The following CATSPERD variants were observed in gnomAD, a reference collection of about 807,000 sequenced individuals.
The protein encoded by CATSPERD is cation channel sperm-associated auxiliary subunit delta.
In CATSPERD, 86 loss-of-function variants were observed where a neutral mutation model predicts 98.1. The observed-to-expected ratio is 0.88, with a 90% CI of 0.74 to 1.05. The LOEUF (loss-of-function observed/expected upper bound fraction) is 1.05. CATSPERD is among the 50% of genes least tolerant of loss of function. CATSPERD has a pLI of 0.00. For missense variants in CATSPERD, 995 were observed against 1,005.7 expected (o/e 0.99, Z 0.14); for synonymous variants, 394 against 390.2 (o/e 1.01, Z -0.12).
intron 17 of CATSPERD, among the ~76,000 whole-genome samples, chr19:5,767,671 T>TA (rs1282149644): frequency 2.0e-5 from 3 of 151,636 alleles, no homozygotes; most frequent in Non-Finnish European, 1.5e-5. Context: ...GTATTTTTAG[T>TA]AGAGACGGGG....
intron 13 of CATSPERD, among the ~76,000 whole-genome samples, chr19:5,755,713 C>T (rs187275480): frequency 1.3e-5 from 2 of 151,840 alleles, no homozygotes; most frequent in South Asian, 2.1e-4. Flanking sequence ...GCGGAGGTTG[C>T]GGTGAGCCAA....
intron 9 of CATSPERD, among the ~76,000 whole-genome samples, chr19:5,747,340 T>C (rs559765326): frequency 2.2e-4 from 33 of 149,658 alleles, no homozygotes; most frequent in Non-Finnish European, 3.4e-4. Context: ...CATAACTAAC[T>C]TATTTTTTGT....
intron 16 of CATSPERD, among the ~76,000 whole-genome samples, chr19:5,763,687 G>GT (rs1385877780): frequency 3.3e-5 from 5 of 152,040 alleles, no homozygotes; most frequent in Admixed American, 2.6e-4. Flanking sequence ...CAGTCACCAT[G>GT]TTGGCCAGGC....
rs1296811153 is a variant in CATSPERD at position 5,740,326 on chromosome 19, G to A, written c.573+887G>A. ...AAATAAGCTGGGCGCAGTGGCTCAC[G>A]CCTGTAATTCCAGCAATTTGGGAGG... is the stretch of plus-strand genomic sequence containing the variant. On this transcript the variant is annotated intron_variant, in intron 7 of 21. Coordinates refer to ENST00000381624, the MANE Select transcript of CATSPERD (RefSeq NM_152784.4). Among the ~76,000 whole-genome samples, 9 of 150,366 alleles carry A rather than the reference G, an allele frequency of 6.0e-5. No homozygotes were observed. In the South Asian group the frequency reaches 6.3e-4, roughly 11 times the overall value.
At chr19:5,742,455 C>A (rs975832308) in intron 7 of CATSPERD, among the ~76,000 whole-genome samples, 2 of 152,064 alleles carry the variant, frequency 1.3e-5, no homozygotes, top group African/African-American at 4.8e-5. Flanking sequence ...CTGCTACAGC[C>A]AGGACAAGAG....
Position 5,733,972 on chromosome 19 carries a change from T to A in CATSPERD, c.391+2T>A. The A allele has an allele frequency of 6.4e-7, 1 of 1,554,296 alleles. No homozygotes were observed. The highest frequency in any genetic ancestry group is 1.1e-5 in the South Asian group (1 of 87,170). On this transcript the variant is annotated splice_donor_variant, in intron 5 of 21. Transcript: ENST00000381624. LOFTEE classifies it high-confidence loss of function. ...ATAATTCTTGGAGCATGTCTTTAGG[T>A]ATGTACATTTTGTATTTTTAAATTT...
At chr19:5,743,432 T>C (rs1390710508) in intron 7 of CATSPERD, among the ~76,000 whole-genome samples, 1 of 151,790 alleles carries the variant, frequency 6.6e-6, no homozygotes, top group Non-Finnish European at 1.5e-5. Flanking sequence ...ACCCCGTTTC[T>C]ACTAAAAAAA....
chr19:5,760,695 T>C (rs1180036943), intron 15 of CATSPERD, among the ~76,000 whole-genome samples: 4 of 152,052 alleles, frequency 2.6e-5, no homozygotes, highest in Non-Finnish European at 4.4e-5. Flanking sequence ...TCTGTGAATG[T>C]AGTTAATATT....
At chr19:5,751,020 C>A (rs993621559) in intron 11 of CATSPERD, among the ~76,000 whole-genome samples, 2 of 150,472 alleles carry the variant, frequency 1.3e-5, no homozygotes, top group African/African-American at 4.9e-5. Flanking sequence ...TCAAGACCAG[C>A]CTGATCAACA....
Position 5,733,975 on chromosome 19 carries a change from G to A in CATSPERD, c.391+5G>A. On this transcript the variant is annotated splice_donor_5th_base_variant and intron_variant, in intron 5 of 21. Transcript: ENST00000381624. ...ATTCTTGGAGCATGTCTTTAGGTAT[G>A]TACATTTTGTATTTTTAAATTTTGT... The A allele has an allele frequency of 6.5e-7, 1 of 1,542,928 alleles. No homozygotes were observed. The highest frequency in any genetic ancestry group is 8.9e-7 in the Non-Finnish European group (1 of 1,127,034).
chr19:5,745,856 C>T, intron 8 of CATSPERD, 57 bp from the exon 9 acceptor site: 2 of 1,589,512 alleles, frequency 1.3e-6, no homozygotes, highest in Non-Finnish European at 1.7e-6. Context: ...CATTAGGACT[C>T]AGTGGGACTC....
intron 1 of CATSPERD, among the ~76,000 whole-genome samples, chr19:5,722,719 G>A (rs2055516173): frequency 9.0e-6 from 1 of 111,242 alleles, no homozygotes; most frequent in African/African-American, 3.4e-5. Flanking sequence ...AGCAAACGGT[G>A]GTTTATCAAG....
chr19:5,751,165 T>C (rs1191208243), intron 11 of CATSPERD, among the ~76,000 whole-genome samples: 1 of 117,964 alleles, frequency 8.5e-6, no homozygotes. Flanking sequence ...GCCACTGCAC[T>C]CCAGCCCAGG....
At chr19:5,723,269 C>A (rs1261642916) in intron 1 of CATSPERD, among the ~76,000 whole-genome samples, 1 of 150,954 alleles carries the variant, frequency 6.6e-6, no homozygotes, top group Non-Finnish European at 1.5e-5. Context: ...ATGTCTGTTT[C>A]TGGGAGAGGA....
intron 6 of CATSPERD, among the ~76,000 whole-genome samples, chr19:5,738,371 G>T (rs911294111): frequency 6.7e-5 from 9 of 135,004 alleles, no homozygotes; most frequent in African/African-American, 2.2e-4. Flanking sequence ...AAAAAAAAAA[G>T]AAAAGAAAAA....
intron 3 of CATSPERD, among the ~76,000 whole-genome samples, chr19:5,728,185 C>G (rs1367372070): frequency 6.6e-6 from 1 of 151,392 alleles, no homozygotes; most frequent in Admixed American, 6.6e-5. Flanking sequence ...TGGTGAAACC[C>G]CGTCTCTACT....
chr19:5,763,620 T>C (rs1438219800), intron 16 of CATSPERD, among the ~76,000 whole-genome samples: 1 of 151,732 alleles, frequency 6.6e-6, no homozygotes, highest in Non-Finnish European at 1.5e-5. Flanking sequence ...GGACAGAAAG[T>C]AGGATGGGGG....
At chr19:5,724,150 T>C (rs1319876868) in intron 1 of CATSPERD, among the ~76,000 whole-genome samples, 2 of 151,862 alleles carry the variant, frequency 1.3e-5, no homozygotes, top group Non-Finnish European at 2.9e-5. Flanking sequence ...GATCTCGAAC[T>C]CCTGACCTCA....
At chr19:5,765,640 C>T (rs561403633) in intron 16 of CATSPERD, among the ~76,000 whole-genome samples, 8 of 151,806 alleles carry the variant, frequency 5.3e-5, no homozygotes, top group Admixed American at 4.6e-4. Context: ...GATGAAACCC[C>T]GTCTCTACTA....
Sources: allele counts gnomAD v4.1 joint callset (sites outside exome capture counted in the v4.1 genomes callset), GRCh38; gene constraint gnomAD v4.1.1; transcripts MANE v1.5; gene names NCBI Gene and HGNC (gene_info 2026-07-23, HGNC 2026-07-21).